The following TMEM164 variants were observed in gnomAD, a reference collection of about 807,000 sequenced individuals.
The protein encoded by TMEM164 is RP13-360B22.2.
A neutral mutation model predicts 18.8 loss-of-function variants in TMEM164; 4 were observed. That is an observed-to-expected ratio of 0.21 (90% CI 0.10 to 0.49). The LOEUF is 0.49. Among genes scored for constraint, TMEM164 ranks in the 20% least tolerant of loss-of-function variants. TMEM164 has a pLI of 0.98. For synonymous variants in TMEM164, 86 were observed against 101.7 expected, an observed-to-expected ratio of 0.85 and a Z score of 0.93; for missense variants, 108 against 239.9, an observed-to-expected ratio of 0.45 and a Z score of 3.63.
At chrX:110,111,138 C>T (rs542154103) in intron 4 of TMEM164, among the ~76,000 whole-genome samples, 11 of 112,611 alleles carry the variant, frequency 9.8e-5, no homozygotes, top group African/African-American at 3.2e-4. Context: ...GACACAGGCA[C>T]TGTTGCCCTG....
intron 2 of TMEM164, among the ~76,000 whole-genome samples, chrX:110,027,769 A>G (rs1602496029): frequency 9.0e-6 from 1 of 111,364 alleles, no homozygotes; most frequent in African/African-American, 3.3e-5. Context: ...CAAAAAAAAT[A>G]AAAATAAAAA....
chrX:110,112,975 C>G (rs1433191349), intron 4 of TMEM164, among the ~76,000 whole-genome samples: 1 of 111,103 alleles, frequency 9.0e-6, no homozygotes, highest in Non-Finnish European at 1.9e-5. Context: ...TCATAGCACC[C>G]ATACTACCCT....
chrX:110,181,570 T>G (rs756707787), downstream of TMEM164, among the ~76,000 whole-genome samples: 206 of 113,209 alleles, frequency 1.8e-3, 1 homozygote, highest in African/African-American at 6.3e-3. Context: ...AGTAGTTATG[T>G]CTCTATCCTT....
At chrX:110,033,016 G>C (rs1934587498) in intron 2 of TMEM164, among the ~76,000 whole-genome samples, 1 of 112,143 alleles carries the variant, frequency 8.9e-6, no homozygotes, top group South Asian at 3.7e-4. Context: ...AGAAGAAGGA[G>C]AGCAGTGTAG....
At chrX:110,095,820 A>G (rs781761227) in intron 3 of TMEM164, among the ~76,000 whole-genome samples, 2 of 112,062 alleles carry the variant, frequency 1.8e-5, no homozygotes, top group Admixed American at 1.9e-4. Context: ...TTGTGGTTTT[A>G]TCTACCTTTG....
At position 110,176,737 on chromosome X, in the gene TMEM164, A is replaced by C. The variant is rs1602756817; in HGVS notation, c.*3286A>C. ...TGGGGGTAAGCTAGGTGGCTCAGGG[A>C]GTGGCAGAAGGGCCATTTTTCCCTC... On this transcript the variant is annotated 3_prime_UTR_variant, in exon 7 of 7. Coordinates refer to ENST00000372068, the MANE Select transcript of TMEM164 (RefSeq NM_032227.4). 1 of 111,123 alleles carries C rather than the reference A, an allele frequency of 9.0e-6. No homozygotes were observed. The allele number at this position is 111,123 out of a possible 1,213,427, so 9.2% of individuals were successfully genotyped here.
intron 2 of TMEM164, among the ~76,000 whole-genome samples, chrX:110,011,826 G>A (rs1933022070): frequency 8.9e-6 from 1 of 111,957 alleles, no homozygotes; most frequent in East Asian, 2.8e-4. Flanking sequence ...CCTACCATAA[G>A]TTCGCAGAGT....
chrX:110,038,652 C>T (rs147099734), intron 2 of TMEM164, among the ~76,000 whole-genome samples: 8 of 110,168 alleles, frequency 7.3e-5, no homozygotes, highest in African/African-American at 2.3e-4. Context: ...CCTCACCTCA[C>T]CTGGCATCAC....
At chrX:110,124,122 G>GGAAA (rs2066490877) in intron 4 of TMEM164, among the ~76,000 whole-genome samples, 1 of 25,436 alleles carries the variant, frequency 3.9e-5, no homozygotes, top group African/African-American at 1.2e-4. Context: ...AATAACAAAT[G>GGAAA]GAAGGAAGGA....
chrX:110,097,588 A>G (rs2147940794), intron 3 of TMEM164, among the ~76,000 whole-genome samples: 1 of 112,444 alleles, frequency 8.9e-6, no homozygotes, highest in Admixed American at 9.4e-5. Context: ...ATAAATGTAT[A>G]AAAACGTGGG....
At chrX:110,031,097 T>A (rs1934484428) in intron 2 of TMEM164, among the ~76,000 whole-genome samples, 2 of 110,975 alleles carry the variant, frequency 1.8e-5, no homozygotes, top group African/African-American at 6.6e-5. Context: ...GATGTTCCCT[T>A]CCCTGTGCCC....
intron 2 of TMEM164, among the ~76,000 whole-genome samples, chrX:110,028,926 A>G (rs1023335646): frequency 1.3e-4 from 14 of 111,478 alleles, no homozygotes; most frequent in Non-Finnish European, 1.3e-4. Flanking sequence ...TACTTTATAT[A>G]TTTTTGAGGT....
At chrX:110,022,768 G>A (rs927217779) in intron 2 of TMEM164, among the ~76,000 whole-genome samples, 8 of 112,072 alleles carry the variant, frequency 7.1e-5, no homozygotes, top group African/African-American at 2.6e-4. Context: ...TGCCCCCAGG[G>A]AACTTATTAT....
chrX:110,067,031 A>G (rs1171500845), intron 2 of TMEM164, among the ~76,000 whole-genome samples: 6 of 111,006 alleles, frequency 5.4e-5, no homozygotes. Flanking sequence ...TGCGTGTTCC[A>G]TGCTCAGAAT....
At chrX:110,120,377 A>G (rs1043517563) in intron 4 of TMEM164, among the ~76,000 whole-genome samples, 2 of 112,490 alleles carry the variant, frequency 1.8e-5, no homozygotes, top group Admixed American at 1.9e-4. Flanking sequence ...TCCACTCCTT[A>G]GTCTGTGGAT....
intron 5 of TMEM164, among the ~76,000 whole-genome samples, chrX:110,168,593 G>A (rs1172175220): frequency 1.8e-5 from 2 of 112,592 alleles, no homozygotes; most frequent in Non-Finnish European, 3.8e-5. Context: ...ATCTATGTCT[G>A]CAAGGGCCTT....
chrX:110,015,511 A>G (rs1933303091), intron 2 of TMEM164, among the ~76,000 whole-genome samples: 2 of 110,472 alleles, frequency 1.8e-5, no homozygotes, highest in East Asian at 2.8e-4. Context: ...GTTGGTTTGC[A>G]TTTGTTAAGA....
intron 4 of TMEM164, among the ~76,000 whole-genome samples, chrX:110,134,734 G>C (rs1337630304): frequency 9.2e-6 from 1 of 109,203 alleles, no homozygotes; most frequent in Non-Finnish European, 1.9e-5. Flanking sequence ...AGGGTCTCGA[G>C]GGAAAAATAC....
intron 2 of TMEM164, chrX:110,020,426 A>G (rs780470867): frequency 1.3e-6 from 1 of 752,291 alleles, no homozygotes; most frequent in East Asian, 1.5e-4. Context: ...TTGATTTAGG[A>G]GGTATTGCCT....
Sources: allele counts gnomAD v4.1 joint callset (sites outside exome capture counted in the v4.1 genomes callset), GRCh38; gene constraint gnomAD v4.1.1; transcripts MANE v1.5; gene names NCBI Gene and HGNC (gene_info 2026-07-23, HGNC 2026-07-21).